RIMS2: variants seen among roughly 807,000 people sequenced by gnomAD.
RIMS2 encodes the protein regulating synaptic membrane exocytosis protein 2.
RIMS2 carries 59 observed loss-of-function variants against 174.4 expected under a neutral mutation model. The ratio of observed to expected loss-of-function variants is 0.34; its 90% CI spans 0.27 to 0.42. The LOEUF (loss-of-function observed/expected upper bound fraction) is 0.42, where lower values mean the gene tolerates loss of function less well. RIMS2 is among the 10% of genes least tolerant of loss of function. The pLI, the probability that RIMS2 is intolerant of heterozygous loss-of-function variation, is 1.00. For synonymous variants in RIMS2, 606 were observed against 572.5 expected, an observed-to-expected ratio of 1.06 and a Z score of -0.84; for missense variants, 1,620 against 1,666.3, an observed-to-expected ratio of 0.97 and a Z score of 0.48.
chr8:103,622,335 A>T (rs764829153), intron 1 of RIMS2, among the ~76,000 whole-genome samples: 3 of 152,134 alleles, frequency 2.0e-5, no homozygotes, highest in Non-Finnish European at 4.4e-5. Flanking sequence ...TCCAGAAGAA[A>T]TGTGAAGATA....
intron 2 of RIMS2, among the ~76,000 whole-genome samples, chr8:103,712,575 G>A (rs2097319580): frequency 6.6e-6 from 1 of 152,030 alleles, no homozygotes; most frequent in African/African-American, 2.4e-5. Flanking sequence ...AAGTTAAATA[G>A]ATTTCATTTA....
chr8:103,774,184 A>T (rs2098284915), intron 3 of RIMS2, among the ~76,000 whole-genome samples: 1 of 152,202 alleles, frequency 6.6e-6, no homozygotes, highest in South Asian at 2.1e-4. Context: ...AAACATTAGA[A>T]AAGTGTTTGA....
intron 1 of RIMS2, among the ~76,000 whole-genome samples, chr8:103,619,165 G>A (rs554631398): frequency 6.8e-6 from 1 of 146,272 alleles, no homozygotes; most frequent in South Asian, 2.2e-4. Flanking sequence ...CAAGTAACAA[G>A]AGAACCAAAA....
chr8:103,957,360 T>G (rs1311600245), intron 14 of RIMS2, among the ~76,000 whole-genome samples: 4 of 152,040 alleles, frequency 2.6e-5, no homozygotes, highest in Non-Finnish European at 5.9e-5. Flanking sequence ...CAAATGCTCA[T>G]CAATGAATCA....
At chr8:103,619,321 T>C (rs1310403621) in intron 1 of RIMS2, among the ~76,000 whole-genome samples, 1 of 152,132 alleles carries the variant, frequency 6.6e-6, no homozygotes, top group South Asian at 2.1e-4. Flanking sequence ...TTCTAGATGA[T>C]ATCAACATTG....
chr8:104,068,527 A>G (rs746081418), intron 19 of RIMS2: 2 of 1,517,714 alleles, frequency 1.3e-6, no homozygotes, highest in South Asian at 2.3e-5. Flanking sequence ...ATGGATATAG[A>G]GGAGAGAAAT....
At chr8:104,119,835 A>G (rs1163563833) in intron 19 of RIMS2, among the ~76,000 whole-genome samples, 1 of 152,170 alleles carries the variant, frequency 6.6e-6, no homozygotes, top group East Asian at 1.9e-4. Context: ...TTACACTAGA[A>G]CCTTCAAAAG....
At chr8:103,505,560 G>A (rs143512101) in intron 1 of RIMS2, among the ~76,000 whole-genome samples, 3 of 152,144 alleles carry the variant, frequency 2.0e-5, no homozygotes, top group African/African-American at 7.2e-5. Flanking sequence ...AGTATTATCT[G>A]TGATAAATAT....
intron 19 of RIMS2, chr8:104,093,572 T>G: frequency 6.3e-7 from 1 of 1,597,704 alleles, no homozygotes; most frequent in Non-Finnish European, 8.5e-7. Flanking sequence ...GGACTAGTAG[T>G]GCTTCTCGTT....
At chr8:103,826,939 G>A (rs569534912) in intron 3 of RIMS2, among the ~76,000 whole-genome samples, 21 of 151,798 alleles carry the variant, frequency 1.4e-4, no homozygotes, top group Non-Finnish European at 3.1e-4. Flanking sequence ...GCCTCCCGAA[G>A]CACTGGGATT....
At chr8:104,162,820 A>C (rs2134856718) in intron 19 of RIMS2, among the ~76,000 whole-genome samples, 1 of 152,352 alleles carries the variant, frequency 6.6e-6, no homozygotes, top group East Asian at 1.9e-4. Context: ...GAAGTCTTTA[A>C]TTTCATTAAA....
chr8:104,029,842 T>G (rs35870907), intron 19 of RIMS2, among the ~76,000 whole-genome samples: 34,364 of 152,110 alleles, frequency 0.23, 4,040 homozygotes, highest in South Asian at 0.35. Flanking sequence ...TCTGTAACAC[T>G]TGTAAAATCT....
Position 104,229,031 on chromosome 8 carries a change from T to C in RIMS2, c.3335-15885T>C, listed in dbSNP as rs1214384274. 3.3e-5 allele frequency among the ~76,000 whole-genome samples: 5 copies of C among 152,196 alleles called. 1 individual carries two copies. The highest frequency in any genetic ancestry group is 6.3e-3 in the Middle Eastern group (2 of 316). On this transcript the variant is annotated intron_variant, in intron 19 of 23. Coordinates refer to ENST00000504942, the Ensembl canonical transcript of RIMS2. Reference sequence around the variant, plus strand: ...AAATAGTGTCTTTAATTTAAAACTTTAATAGACTGAGTTCTACAAAGGAAA... The same window carrying C: ...AAATAGTGTCTTTAATTTAAAACTTCAATAGACTGAGTTCTACAAAGGAAA...
chr8:104,253,793 A>G (rs554007949), downstream of RIMS2: 7 of 152,302 alleles, frequency 4.6e-5, no homozygotes, highest in African/African-American at 1.7e-4. Context: ...GCCATGCACA[A>G]ATATTTTTTT....
chr8:103,996,852 G>A (rs1022655456), intron 17 of RIMS2, among the ~76,000 whole-genome samples: 2 of 151,830 alleles, frequency 1.3e-5, no homozygotes, highest in African/African-American at 4.8e-5. Context: ...TTTTAATGGA[G>A]TACTCGGCAT....
At chr8:103,858,699 GTATA>G (rs139981712) in intron 3 of RIMS2, among the ~76,000 whole-genome samples, 1 of 145,276 alleles carries the variant, frequency 6.9e-6, no homozygotes. Flanking sequence ...ATATATACGT[GTATA>G]TATATATACA....
At chr8:104,167,688 A>G (rs1456335944) in intron 19 of RIMS2, among the ~76,000 whole-genome samples, 2 of 151,874 alleles carry the variant, frequency 1.3e-5, no homozygotes, top group Admixed American at 1.3e-4. Context: ...ACTGGGTCCC[A>G]CCTATTTATC....
chr8:103,796,025 C>T (rs568509540), intron 3 of RIMS2, among the ~76,000 whole-genome samples: 13 of 152,240 alleles, frequency 8.5e-5, no homozygotes, highest in Non-Finnish European at 1.9e-4. Context: ...ACTTAGGTAT[C>T]ATTTTTCTAA....
At chr8:103,968,415 A>G (rs1220992878) in intron 15 of RIMS2, among the ~76,000 whole-genome samples, 1 of 149,014 alleles carries the variant, frequency 6.7e-6, no homozygotes, top group Non-Finnish European at 1.5e-5. Flanking sequence ...ATTCTTTTTC[A>G]GTGTTTTTTT....
Sources: allele counts gnomAD v4.1 joint callset (sites outside exome capture counted in the v4.1 genomes callset), GRCh38; gene constraint gnomAD v4.1.1; transcripts MANE v1.5; gene names NCBI Gene and HGNC (gene_info 2026-07-23, HGNC 2026-07-21).